The following ADCY8 variants were observed in gnomAD, a reference collection of about 807,000 sequenced individuals.
ADCY8 encodes the protein adenylate cyclase type 8.
ADCY8 carries 51 observed loss-of-function variants against 119.7 expected under a neutral mutation model. The observed-to-expected ratio is 0.43, with a 90% CI of 0.34 to 0.54. The LOEUF (loss-of-function observed/expected upper bound fraction) is 0.54, where lower values mean the gene tolerates loss of function less well. Ranked by LOEUF, ADCY8 falls within the 20% of genes least tolerant of loss-of-function variation. The pLI, the probability that ADCY8 is intolerant of heterozygous loss-of-function variation, is 0.03. For synonymous variants in ADCY8, 665 were observed against 651.0 expected (o/e 1.02, Z -0.33); for missense variants, 1,383 against 1,598.8 (o/e 0.87, Z 2.30).
chr8:130,851,947 T>C (rs1817542742), intron 9 of ADCY8, among the ~76,000 whole-genome samples: 1 of 152,020 alleles, frequency 6.6e-6, no homozygotes, highest in African/African-American at 2.4e-5. Context: ...CTGGAGGGAA[T>C]AGGTGGTGAT....
At chr8:131,028,911 G>C (rs115412439) in intron 1 of ADCY8, among the ~76,000 whole-genome samples, 40 of 152,294 alleles carry the variant, frequency 2.6e-4, no homozygotes, top group African/African-American at 8.9e-4. Flanking sequence ...CAGATGGTGA[G>C]CACCCACCAG....
Position 130,780,705 on chromosome 8 carries a change from A to T in ADCY8, c.3441T>A (p.Phe1147Leu). The T allele has an allele frequency of 6.2e-7, 1 of 1,614,202 alleles. No homozygotes were observed. ...TCACATAGATCTCCCCTCGGTAATC[A>T]AAGGCAAAGCCCTGGTCCTTCAGGA... ...YLILKDQGFAFDYRGEIYVKG... is the reference protein window; with the variant it reads ...YLILKDQGFALDYRGEIYVKG... The change falls in exon 18 of 18, where the codon TTT becomes TTA. Residue 1147 changes from phenylalanine (F) to leucine (L), a missense_variant. Physicochemically the swap from Phe to Leu is conservative, Grantham distance 22. This residue lies in a region of ADCY8 where 928 missense variants were observed against 1,163.5 expected (regional missense o/e 0.80). Transcript: ENST00000286355.
intron 1 of ADCY8, among the ~76,000 whole-genome samples, chr8:131,020,516 G>A (rs1823631565): frequency 6.6e-6 from 1 of 152,208 alleles, no homozygotes; most frequent in African/African-American, 2.4e-5. Flanking sequence ...TCAAGAACCA[G>A]GAGGAGGACA....
chr8:130,856,528 G>A (rs1207707876), intron 9 of ADCY8, among the ~76,000 whole-genome samples: 1 of 152,128 alleles, frequency 6.6e-6, no homozygotes, highest in African/African-American at 2.4e-5. Context: ...AACACTCACA[G>A]CTCGCCACCC....
chr8:130,785,867 C>T (rs1815234446), intron 15 of ADCY8, among the ~76,000 whole-genome samples: 1 of 152,194 alleles, frequency 6.6e-6, no homozygotes, highest in African/African-American at 2.4e-5. Flanking sequence ...CACTCTGCTC[C>T]AGCTGCACTG....
chr8:130,962,865 G>A (rs927988942), intron 2 of ADCY8, among the ~76,000 whole-genome samples: 1 of 152,200 alleles, frequency 6.6e-6, no homozygotes, highest in African/African-American at 2.4e-5. Flanking sequence ...AGGCACTGGG[G>A]AGAGACTTGT....
At chr8:130,898,799 A>T (rs1563719444) in intron 7 of ADCY8, among the ~76,000 whole-genome samples, 1 of 152,090 alleles carries the variant, frequency 6.6e-6, no homozygotes, top group Non-Finnish European at 1.5e-5. Context: ...CTACATAAAA[A>T]CCTTTGGTAT....
chr8:130,812,421 A>G (rs1186112088), intron 14 of ADCY8, among the ~76,000 whole-genome samples: 2 of 152,200 alleles, frequency 1.3e-5, no homozygotes, highest in Non-Finnish European at 2.9e-5. Flanking sequence ...ACTATTTGGA[A>G]ATAGGGTCTT....
At chr8:130,951,188 C>T (rs1659411125) in intron 3 of ADCY8, among the ~76,000 whole-genome samples, 1 of 152,134 alleles carries the variant, frequency 6.6e-6, no homozygotes, top group South Asian at 2.1e-4. Flanking sequence ...GCTTATTTTA[C>T]AGGGAAGAAT....
At chr8:131,029,400 A>G (rs1163846310) in intron 1 of ADCY8, among the ~76,000 whole-genome samples, 1 of 152,216 alleles carries the variant, frequency 6.6e-6, no homozygotes, top group Non-Finnish European at 1.5e-5. Flanking sequence ...ATCTTCCATG[A>G]AACCATTCCT....
chr8:130,948,304 G>T (rs961177188), intron 3 of ADCY8, among the ~76,000 whole-genome samples: 1 of 152,336 alleles, frequency 6.6e-6, no homozygotes, highest in Admixed American at 6.5e-5. Context: ...CAATACAATC[G>T]GGTAGGTGGG....
At chr8:131,013,891 C>T (rs573484809) in intron 1 of ADCY8, among the ~76,000 whole-genome samples, 27 of 152,238 alleles carry the variant, frequency 1.8e-4, no homozygotes, top group African/African-American at 6.0e-4. Context: ...TCAGAGAAGT[C>T]CATTATATAT....
chr8:130,990,726 GGGCTTCTTTCACCACTTTCTCCAATTTAA>G, intron 1 of ADCY8, 184 bp from the exon 2 acceptor site: 2 of 667,920 alleles, frequency 3.0e-6, no homozygotes, highest in Non-Finnish European at 4.5e-6. Flanking sequence ...CCTTTGGAGA[GGGCTTCTTTCACCACTTTCTCCAATTTAA>G]GGCTTCTTTC....
At chr8:130,783,578 T>C (rs1330047274) in intron 17 of ADCY8, 113 bp downstream of exon 17, 1 of 670,872 alleles carries the variant, frequency 1.5e-6, no homozygotes, top group Non-Finnish European at 2.6e-6. Context: ...TCATGCTAGA[T>C]CTATTGCATT....
At chr8:130,877,123 G>A (rs1011891206) in intron 8 of ADCY8, among the ~76,000 whole-genome samples, 1 of 152,222 alleles carries the variant, frequency 6.6e-6, no homozygotes, top group Non-Finnish European at 1.5e-5. Flanking sequence ...GCCTGATATG[G>A]TAGTAAGTGA....
At chr8:130,919,853 T>A (rs1021900212) in intron 5 of ADCY8, among the ~76,000 whole-genome samples, 4 of 152,164 alleles carry the variant, frequency 2.6e-5, no homozygotes, top group African/African-American at 7.2e-5. Flanking sequence ...CTTGTTTCTG[T>A]TGTGGCAATG....
rs1033812700 is a variant in ADCY8, at chr8:130,929,304, A to T, written c.1481+7769T>A. Among the ~76,000 whole-genome samples the T allele has an allele frequency of 2.6e-5, 4 of 152,012 alleles. No individual in the cohort carries two copies. The South Asian group carries it at 8.3e-4, about 31-fold the overall frequency. ...TATTATTGTAAACTTCCCTTATATA[A>T]CTGCCTTTGCTGTATCCCATAAGTT... On this transcript the variant is annotated intron_variant, in intron 5 of 17. Transcript: ENST00000286355.
At chr8:130,946,813 A>G (rs1407947860) in intron 3 of ADCY8, among the ~76,000 whole-genome samples, 1 of 152,218 alleles carries the variant, frequency 6.6e-6, no homozygotes, top group African/African-American at 2.4e-5. Flanking sequence ...TTAGAAATGT[A>G]GACTCTCAAG....
chr8:130,867,974 T>G (rs749877095), intron 8 of ADCY8, 28 bp from the exon 9 acceptor site: 4 of 1,509,924 alleles, frequency 2.6e-6, no homozygotes, highest in Non-Finnish European at 2.7e-6. Context: ...GAGAATGAGT[T>G]ACTTTGCAGC....
Sources: allele counts gnomAD v4.1 joint callset (sites outside exome capture counted in the v4.1 genomes callset), GRCh38; gene constraint gnomAD v4.1.1; regional missense constraint gnomAD v4.1.1; transcripts MANE v1.5; gene names NCBI Gene and HGNC (gene_info 2026-07-23, HGNC 2026-07-21).